The following PEDS1 variants were observed in gnomAD, a reference collection of about 807,000 sequenced individuals.
The protein encoded by PEDS1 is plasmanylethanolamine desaturase 1, also known as CarF homolog.
A neutral mutation model predicts 35.2 loss-of-function variants in PEDS1; 14 were observed. The observed-to-expected ratio is 0.40, with a 90% CI of 0.26 to 0.62. The LOEUF (loss-of-function observed/expected upper bound fraction) is 0.62, where lower values mean the gene tolerates loss of function less well. PEDS1 is among the 20% of genes least tolerant of loss of function. PEDS1 has a pLI of 0.44. For synonymous variants in PEDS1, 152 were observed against 152.0 expected, an observed-to-expected ratio of 1.00 and a Z score of 0.00; for missense variants, 260 against 367.8, an observed-to-expected ratio of 0.71 and a Z score of 2.40.
intron 2 of PEDS1, among the ~76,000 whole-genome samples, chr20:50,136,193 T>C (rs1354260027): frequency 6.6e-6 from 1 of 152,226 alleles, no homozygotes; most frequent in African/African-American, 2.4e-5. Flanking sequence ...CTGAATGGCA[T>C]CAAGGCCTCG....
At chr20:50,126,662 A>T (rs565381044) in intron 5 of PEDS1, among the ~76,000 whole-genome samples, 1 of 152,222 alleles carries the variant, frequency 6.6e-6, no homozygotes, top group Non-Finnish European at 1.5e-5. Context: ...CTAAAGGCAC[A>T]TGTGGAGAAG....
intron 2 of PEDS1, among the ~76,000 whole-genome samples, chr20:50,134,134 C>G (rs1396543102): frequency 6.6e-6 from 1 of 152,222 alleles, no homozygotes; most frequent in African/African-American, 2.4e-5. Flanking sequence ...TGACACTGTG[C>G]CTACTCTAGG....
chr20:50,146,129 G>A (rs1159412666), intron 1 of PEDS1, among the ~76,000 whole-genome samples: 1 of 152,182 alleles, frequency 6.6e-6, no homozygotes, highest in African/African-American at 2.4e-5. Flanking sequence ...CCTGTGAAGG[G>A]GTCAGGGCCA....
chr20:50,151,663 C>T (rs893972717), intron 1 of PEDS1, among the ~76,000 whole-genome samples: 12 of 152,124 alleles, frequency 7.9e-5, no homozygotes, highest in Non-Finnish European at 1.6e-4. Flanking sequence ...ATCGAGACCA[C>T]CCTGGCTAAC....
At chr20:50,153,471 C>T in intron 1 of PEDS1, 46 bp downstream of exon 1, 1 of 1,291,332 alleles carries the variant, frequency 7.7e-7, no homozygotes. Flanking sequence ...CTGTCCGCAG[C>T]CGGGGCTGGT....
At chr20:50,149,531 A>C (rs1172236049) in intron 1 of PEDS1, among the ~76,000 whole-genome samples, 2 of 152,120 alleles carry the variant, frequency 1.3e-5, no homozygotes, top group African/African-American at 2.4e-5. Context: ...GCTGCTGGGA[A>C]ACTCAGCCCA....
In PEDS1 at chr20:50,118,617, CTTTT is replaced by C. The variant is rs1041191383; in HGVS notation, c.*6437_*6440del. On this transcript the variant is annotated 3_prime_UTR_variant, in exon 6 of 6. Transcript: ENST00000371652. ...AGTGATTTGAAGCTATACGTTTTTACTTTTTTTTTGTTTTTTTTTTGAGACAGAG... is the reference window on the plus strand; with the variant it reads ...AGTGATTTGAAGCTATACGTTTTTACTTTTTGTTTTTTTTTTGAGACAGAG... The C allele has an allele frequency of 6.0e-5, 9 of 150,882 alleles. No homozygotes were observed. The highest frequency in any genetic ancestry group is 1.2e-4 in the Non-Finnish European group (8 of 67,646). 9.3% of individuals were successfully genotyped at this position (150,882 alleles called of 1,614,324 possible).
At chr20:50,136,926 G>C (rs1488480615) in intron 2 of PEDS1, among the ~76,000 whole-genome samples, 1 of 151,854 alleles carries the variant, frequency 6.6e-6, no homozygotes, top group East Asian at 1.9e-4. Flanking sequence ...GGTCCTACTG[G>C]AGGCTGAAGT....
chr20:50,140,593 C>T (rs1005585644), intron 2 of PEDS1, among the ~76,000 whole-genome samples: 5 of 137,642 alleles, frequency 3.6e-5, no homozygotes, highest in South Asian at 2.4e-4. Context: ...GATCTCTGCA[C>T]GGCCCCTCCC....
chr20:50,147,322 A>G (rs1179705077), intron 1 of PEDS1, among the ~76,000 whole-genome samples: 2 of 152,202 alleles, frequency 1.3e-5, no homozygotes, highest in African/African-American at 2.4e-5. Flanking sequence ...GGCCTAAACA[A>G]TAAGTAATAG....
In PEDS1 at chr20:50,122,146, T is replaced by A. The variant is rs537234988; in HGVS notation, c.*2912A>T. On this transcript the variant is annotated 3_prime_UTR_variant, in exon 6 of 6. Coordinates refer to ENST00000371652, the MANE Select transcript of PEDS1 (RefSeq NM_199129.4). ...CTGAGCTGGTCTAGTAAGTCTCAAC[T>A]CAAAGAGAAAAACAGAGCTTAGAGA... 1 of 152,276 alleles carries A rather than the reference T, an allele frequency of 6.6e-6. No individual in the cohort carries two copies. The highest frequency in any genetic ancestry group is 2.1e-4 in the South Asian group (1 of 4,820). 9.4% of individuals were successfully genotyped at this position (152,276 alleles called of 1,614,324 possible).
intron 2 of PEDS1, among the ~76,000 whole-genome samples, chr20:50,139,602 CTCA>C (rs1368439593): frequency 5.3e-5 from 8 of 152,050 alleles, no homozygotes; most frequent in South Asian, 2.1e-4. Flanking sequence ...ACACGGGAGA[CTCA>C]GCCCCTGGGG....
rs184706624 is a variant in PEDS1, at chr20:50,120,381, C to G, written c.*4677G>C. ...GGGTCAGCTTATCCATACTCTAGCC[C>G]TGTTTATATTATTTGATATGAGCCA... On this transcript the variant is annotated 3_prime_UTR_variant, in exon 6 of 6. Transcript: ENST00000371652. The G allele has an allele frequency of 2.5e-3, 391 of 158,008 alleles. 8 individuals carry two copies. Among genetic ancestry groups the G allele is most frequent in the East Asian group, 2.2e-3 (12 of 5,476 alleles). 9.8% of individuals were successfully genotyped at this position (158,008 alleles called of 1,614,324 possible).
In PEDS1 at chr20:50,129,786, G is replaced by A. The variant is rs552100803; in HGVS notation, c.334-96C>T. The A allele has an allele frequency of 6.5e-6, 10 of 1,529,572 alleles. 1 individual carries two copies. Among genetic ancestry groups the A allele is most frequent in the African/African-American group, 5.5e-5 (4 of 73,224 alleles). The allele number at this position is 1,529,572 out of a possible 1,614,324, so 94.8% of individuals were successfully genotyped here. On this transcript the variant is annotated intron_variant, in intron 3 of 5. Coordinates refer to ENST00000371652, the MANE Select transcript of PEDS1 (RefSeq NM_199129.4). This position sits in a 1 kb window ranked among gnomAD's most constrained non-coding sequence, Gnocchi z 4.2. ...CACATTCACCCTGGGCTCACCTCCC[G>A]CCTTTGATCCTAAGTTTCCTCCACC... is the stretch of plus-strand genomic sequence containing the variant.
At chr20:50,142,811 A>G (rs2081307469) in intron 2 of PEDS1, among the ~76,000 whole-genome samples, 1 of 151,322 alleles carries the variant, frequency 6.6e-6, no homozygotes, top group African/African-American at 2.4e-5. Flanking sequence ...GTGACCTCTC[A>G]GCAGACACCT....
rs998552157 is a variant in PEDS1 at position 50,122,699 on chromosome 20, G to C, written c.*2359C>G. The C allele has an allele frequency of 6.6e-6, 1 of 152,194 alleles. No homozygotes were observed. The highest frequency in any genetic ancestry group is 1.5e-5 in the Non-Finnish European group (1 of 68,054). 9.4% of individuals were successfully genotyped at this position (152,194 alleles called of 1,614,324 possible). Reference sequence around the variant, plus strand: ...AATATTGCAGAAACTATCTAGCCTAGACTAGCTATTGACTATGTCTGTAGC... The same window carrying C: ...AATATTGCAGAAACTATCTAGCCTACACTAGCTATTGACTATGTCTGTAGC... On this transcript the variant is annotated 3_prime_UTR_variant, in exon 6 of 6. Transcript: ENST00000371652.
At position 50,120,135 on chromosome 20, in the gene PEDS1, T is replaced by G. The variant is rs1392692973; in HGVS notation, c.*4923A>C. 1 of 152,080 alleles carries G rather than the reference T, an allele frequency of 6.6e-6. No individual in the cohort carries two copies. The highest frequency in any genetic ancestry group is 1.4e-5 in the Non-Finnish European group (1 of 69,030). 9.4% of individuals were successfully genotyped at this position (152,080 alleles called of 1,614,324 possible). On this transcript the variant is annotated 3_prime_UTR_variant, in exon 6 of 6. Transcript: ENST00000371652. ...AAAAAATTAGCTGGATGTGGTGGTGTCCATCTGTAGTCCTAGCTACTCAGG... is the reference window on the plus strand; with the variant it reads ...AAAAAATTAGCTGGATGTGGTGGTGGCCATCTGTAGTCCTAGCTACTCAGG...
chr20:50,139,562 T>G (rs2147290293), intron 2 of PEDS1, among the ~76,000 whole-genome samples: 2 of 151,922 alleles, frequency 1.3e-5, no homozygotes, highest in Middle Eastern at 6.8e-3. Flanking sequence ...CAGCCTCCCT[T>G]GCTGGCTCTT....
In PEDS1 at chr20:50,129,740, T is replaced by G. The variant is rs1342820641; in HGVS notation, c.334-50A>C. The G allele has an allele frequency of 6.2e-7, 1 of 1,605,946 alleles. No homozygotes were observed. ...CAGCAGTCAGCCTAAGGTGGTCAGC[T>G]GCTCTCCACAGCCCCCTAAACACAT... On this transcript the variant is annotated intron_variant, in intron 3 of 5. Coordinates refer to ENST00000371652, the MANE Select transcript of PEDS1 (RefSeq NM_199129.4). This position sits in a 1 kb window ranked among gnomAD's most constrained non-coding sequence, Gnocchi z 4.2.
Sources: allele counts gnomAD v4.1 joint callset (sites outside exome capture counted in the v4.1 genomes callset), GRCh38; gene constraint gnomAD v4.1.1; non-coding constraint Gnocchi (gnomAD v3.1); transcripts MANE v1.5; gene names NCBI Gene and HGNC (gene_info 2026-07-23, HGNC 2026-07-21).